The following CTNNBIP1 variants were observed in gnomAD, a reference collection of about 807,000 sequenced individuals.
CTNNBIP1 encodes beta-catenin-interacting protein 1.
Under a neutral mutation model 11.8 loss-of-function variants are expected in CTNNBIP1, and 7 were observed. The observed-to-expected ratio is 0.60, with a 90% confidence interval of 0.34 to 1.12. The LOEUF (loss-of-function observed/expected upper bound fraction) is 1.12, where lower values mean the gene tolerates loss of function less well. Ranked by LOEUF, CTNNBIP1 falls within the 50% of genes most tolerant of loss-of-function variation. CTNNBIP1 has a pLI of 0.03. For missense variants in CTNNBIP1, 101 were observed against 113.4 expected, an observed-to-expected ratio of 0.89 and a Z score of 0.50; for synonymous variants, 58 against 43.9, an observed-to-expected ratio of 1.32 and a Z score of -1.26.
At chr1:9,860,187 C>G (rs1638592751) in intron 5 of CTNNBIP1, among the ~76,000 whole-genome samples, 1 of 152,200 alleles carries the variant, frequency 6.6e-6, no homozygotes, top group Non-Finnish European at 1.5e-5. Context: ...CCAAAGGCCG[C>G]AGGCCCTGCA....
At chr1:9,902,683 ATTCT>A (rs1307581596) in intron 1 of CTNNBIP1, among the ~76,000 whole-genome samples, 1 of 152,050 alleles carries the variant, frequency 6.6e-6, no homozygotes, top group Non-Finnish European at 1.5e-5. Context: ...TCATCAAATC[ATTCT>A]TTCTTCATTC....
chr1:9,875,182 C>T (rs1043789388), intron 3 of CTNNBIP1, among the ~76,000 whole-genome samples: 1 of 152,206 alleles, frequency 6.6e-6, no homozygotes, highest in South Asian at 2.1e-4. Flanking sequence ...TGCTCTGGCT[C>T]TCCCTATTCC....
chr1:9,866,272 G>A (rs1638742598), intron 5 of CTNNBIP1, among the ~76,000 whole-genome samples: 1 of 152,218 alleles, frequency 6.6e-6, no homozygotes, highest in South Asian at 2.1e-4. Context: ...AGAGGCAAAT[G>A]CAGTGGCAGA....
chr1:9,858,255 G>T (rs1201597490), intron 5 of CTNNBIP1, among the ~76,000 whole-genome samples: 2 of 152,082 alleles, frequency 1.3e-5, no homozygotes, highest in African/African-American at 4.8e-5. Flanking sequence ...ACTGCCAGGG[G>T]GAAGTTGTTA....
At position 9,871,350 on chromosome 1, in the gene CTNNBIP1, C is replaced by T; in HGVS notation, c.97-73G>A. 8.9e-7 allele frequency: 1 copy of T among 1,124,286 alleles called. No homozygotes were observed. The highest frequency in any genetic ancestry group is 1.3e-6 in the Non-Finnish European group (1 of 766,508). The allele number at this position is 1,124,286 out of a possible 1,614,324, so 69.6% of individuals were successfully genotyped here. On this transcript the variant is annotated intron_variant, in intron 4 of 5. Coordinates refer to ENST00000377263, the MANE Select transcript of CTNNBIP1 (RefSeq NM_020248.3). This position sits in a 1 kb window ranked among gnomAD's most constrained non-coding sequence, Gnocchi z 5.2. The stretch of plus-strand genomic sequence containing the variant: ...TGAAAGGCACCTGCACCCCTAGAGG[C>T]ACCGCCTAGGCCTGCTTGGTCCCTG...
Position 9,871,352 on chromosome 1 carries a change from C to A in CTNNBIP1, c.97-75G>T. The A allele has an allele frequency of 1.9e-6, 2 of 1,077,814 alleles. No homozygotes were observed. Among genetic ancestry groups the A allele is most frequent in the South Asian group, 2.7e-5 (2 of 74,490 alleles). The allele number at this position is 1,077,814 out of a possible 1,614,324, so 66.8% of individuals were successfully genotyped here. On this transcript the variant is annotated intron_variant, in intron 4 of 5. Coordinates refer to ENST00000377263, the MANE Select transcript of CTNNBIP1 (RefSeq NM_020248.3). This position sits in a 1 kb window ranked among gnomAD's most constrained non-coding sequence, Gnocchi z 5.2. The stretch of plus-strand genomic sequence containing the variant: ...AAAGGCACCTGCACCCCTAGAGGCA[C>A]CGCCTAGGCCTGCTTGGTCCCTGCT...
At chr1:9,905,533 C>T (rs917234658) in intron 1 of CTNNBIP1, among the ~76,000 whole-genome samples, 13 of 152,040 alleles carry the variant, frequency 8.6e-5, no homozygotes, top group Admixed American at 2.0e-4. Flanking sequence ...CGCCATTCTC[C>T]TGCCTCAGCC....
At chr1:9,859,477 C>T (rs1241477909) in intron 5 of CTNNBIP1, among the ~76,000 whole-genome samples, 1 of 152,256 alleles carries the variant, frequency 6.6e-6, no homozygotes, top group South Asian at 2.1e-4. Context: ...AACACTCACC[C>T]TAGGCCTGGC....
chr1:9,875,474 G>A (rs1048004937), intron 3 of CTNNBIP1, among the ~76,000 whole-genome samples: 1 of 152,162 alleles, frequency 6.6e-6, no homozygotes, highest in African/African-American at 2.4e-5. Context: ...GATAGGTGCC[G>A]CCCCGTCTTC....
chr1:9,907,377 C>T lies in CTNNBIP1; in HGVS notation c.-144+2718G>A, dbSNP rs1370173573. Among the ~76,000 whole-genome samples, 3 of 152,036 alleles carry T rather than the reference C, an allele frequency of 2.0e-5. No homozygotes were observed. The South Asian group carries it at 6.2e-4, about 32-fold the overall frequency. On this transcript the variant is annotated intron_variant, in intron 1 of 5. Transcript: ENST00000377263. ...GTAGAGACGGGTTTTCACCATGTTGCCCAGGCTGGTCTTGAGCTCCTGACC... is the reference window on the plus strand; with the variant it reads ...GTAGAGACGGGTTTTCACCATGTTGTCCAGGCTGGTCTTGAGCTCCTGACC...
At chr1:9,855,690 A>G (rs1354964572) in intron 5 of CTNNBIP1, among the ~76,000 whole-genome samples, 1 of 151,858 alleles carries the variant, frequency 6.6e-6, no homozygotes, top group African/African-American at 2.4e-5. Flanking sequence ...AAGAAAATAT[A>G]GAAACAAATT....
intron 1 of CTNNBIP1, among the ~76,000 whole-genome samples, chr1:9,904,447 G>A (rs896018919): frequency 3.9e-5 from 6 of 152,110 alleles, no homozygotes; most frequent in Non-Finnish European, 8.8e-5. Flanking sequence ...TTCTCTCAGC[G>A]CTCTGCTGAG....
At chr1:9,900,071 GAA>G (rs747434164) in intron 1 of CTNNBIP1, among the ~76,000 whole-genome samples, 1 of 122,304 alleles carries the variant, frequency 8.2e-6, no homozygotes, top group Admixed American at 8.4e-5. Context: ...TCCGTCTCAA[GAA>G]AAAAAAAAAA....
chr1:9,901,539 G>A (rs576766938), intron 1 of CTNNBIP1, among the ~76,000 whole-genome samples: 3 of 152,288 alleles, frequency 2.0e-5, no homozygotes, highest in African/African-American at 4.8e-5. Flanking sequence ...ATTGACCACA[G>A]GATTCCAGCA....
At chr1:9,889,171 G>C (rs572763772) in intron 1 of CTNNBIP1, among the ~76,000 whole-genome samples, 2 of 152,182 alleles carry the variant, frequency 1.3e-5, no homozygotes, top group Non-Finnish European at 2.9e-5. Context: ...CCTGCACGCT[G>C]GACAGGAAGC....
intron 1 of CTNNBIP1, among the ~76,000 whole-genome samples, chr1:9,890,090 ATCT>A (rs1430831142): frequency 6.6e-6 from 1 of 152,204 alleles, no homozygotes; most frequent in Non-Finnish European, 1.5e-5. Context: ...ATCTGTTTAC[ATCT>A]TCTGGTTTAA....
intron 5 of CTNNBIP1, among the ~76,000 whole-genome samples, chr1:9,862,778 C>T (rs552653786): frequency 8.5e-5 from 13 of 152,354 alleles, no homozygotes; most frequent in Admixed American, 4.6e-4. Flanking sequence ...AAGCTCTTTA[C>T]GCATTAGTTC....
intron 1 of CTNNBIP1, among the ~76,000 whole-genome samples, chr1:9,905,779 C>T (rs976258169): frequency 1.3e-5 from 2 of 151,974 alleles, no homozygotes; most frequent in African/African-American, 4.8e-5. Flanking sequence ...TACTATCTGT[C>T]TCTCCCACTA....
chr1:9,851,172 G>A lies in CTNNBIP1; in HGVS notation c.188-396C>T, dbSNP rs752776928. The stretch of plus-strand genomic sequence containing the variant: ...ACCTCCCTCTTTCTTCTCAAGACTC[G>A]CGTCTTGATGCCTTCGGAGGGTCTG... On this transcript the variant is annotated intron_variant, in intron 5 of 5. Coordinates refer to ENST00000377263, the MANE Select transcript of CTNNBIP1 (RefSeq NM_020248.3). The surrounding 1 kb of genome is among the most constrained non-coding windows in gnomAD (Gnocchi z 4.8). 3.7e-4 allele frequency among the ~76,000 whole-genome samples: 57 copies of A among 152,168 alleles called. No individual in the cohort carries two copies. The highest frequency in any genetic ancestry group is 3.5e-3 in the Admixed American group (54 of 15,276).
Sources: allele counts gnomAD v4.1 joint callset (sites outside exome capture counted in the v4.1 genomes callset), GRCh38; gene constraint gnomAD v4.1.1; non-coding constraint Gnocchi (gnomAD v3.1); transcripts MANE v1.5; gene names NCBI Gene and HGNC (gene_info 2026-07-23, HGNC 2026-07-21).